The following SUPV3L1 variants were observed in gnomAD, a reference collection of about 807,000 sequenced individuals.
The protein encoded by SUPV3L1 is ATP-dependent RNA helicase SUPV3L1, mitochondrial.
A neutral mutation model predicts 70.0 loss-of-function variants in SUPV3L1; 35 were observed. The observed-to-expected ratio is 0.50, with a 90% CI of 0.38 to 0.66. SUPV3L1 has a LOEUF of 0.66. Ranked by LOEUF, SUPV3L1 falls within the 30% of genes least tolerant of loss-of-function variation. The probability of loss-of-function intolerance (pLI) is 0.00; values close to 1 mark genes in which losing one functional copy is unlikely to be tolerated. For missense variants in SUPV3L1, 777 were observed against 961.5 expected, an observed-to-expected ratio of 0.81 and a Z score of 2.54; for synonymous variants, 364 against 341.9, an observed-to-expected ratio of 1.06 and a Z score of -0.71.
In SUPV3L1 at chr10:69,209,058, T is replaced by A. The variant is rs776979384; in HGVS notation, c.*23T>A. ...TAGTTTTCTGTTCCTGTTTTTTTTT[T>A]TTTATTTAATTTTGCAAATAAAAAT... On this transcript the variant is annotated 3_prime_UTR_variant, in exon 15 of 15. Transcript: ENST00000359655. 5.9e-6 allele frequency: 9 copies of A among 1,516,700 alleles called. No homozygotes were observed. The East Asian group carries it at 9.2e-5, about 15-fold the overall frequency. 94.0% of individuals were successfully genotyped at this position (1,516,700 alleles called of 1,614,324 possible). A position where few individuals can be genotyped will look rare whatever the true frequency, so the allele number is the denominator to read the frequency against.
chr10:69,187,562 G>T, intron 3 of SUPV3L1, 80 bp from the exon 4 acceptor site: 1 of 1,054,170 alleles, frequency 9.5e-7, no homozygotes, highest in Non-Finnish European at 1.4e-6. Flanking sequence ...AACTTAGCTT[G>T]TTAAGAAAAA....
Position 69,189,289 on chromosome 10 carries a change from C to T in SUPV3L1, c.595C>T (p.Gln199Ter). The T allele has an allele frequency of 6.2e-7, 1 of 1,613,720 alleles. No homozygotes were observed. The highest frequency in any genetic ancestry group is 8.5e-7 in the Non-Finnish European group (1 of 1,179,836). The change falls in exon 5 of 15, where the codon CAG becomes TAG. Residue 199 changes from glutamine (Q) to a stop codon, truncating the protein, a stop_gained. Coordinates refer to ENST00000359655, the MANE Select transcript of SUPV3L1 (RefSeq NM_003171.5). LOFTEE classifies it high-confidence loss of function. ...TAGGTACCCAGATGCTAGAGCCATG[C>T]AGCGGAAGATAATATTTCATTCAGG... ...PNWYPDARAM[Q>*]RKIIFHSGPT...
chr10:69,182,442 T>G, intron 1 of SUPV3L1: 1 of 829,314 alleles, frequency 1.2e-6, no homozygotes, highest in South Asian at 5.5e-5. Context: ...TTTTATATTA[T>G]TTGAAGGCAT....
intron 12 of SUPV3L1, 86 bp from the exon 13 acceptor site, chr10:69,202,781 T>A: frequency 7.3e-7 from 1 of 1,363,636 alleles, no homozygotes; most frequent in African/African-American, 1.5e-5. Context: ...TTAAAGAGAT[T>A]GTCTTTTATA....
intron 6 of SUPV3L1, chr10:69,192,394 T>A (rs1304503940): frequency 6.6e-6 from 1 of 152,266 alleles, no homozygotes; most frequent in African/African-American, 2.4e-5. Context: ...TTTTCCTGTC[T>A]CTTTTCAGGA....
chr10:69,189,744 T>A (rs1250015715), intron 5 of SUPV3L1, among the ~76,000 whole-genome samples: 1 of 150,428 alleles, frequency 6.6e-6, no homozygotes, highest in Non-Finnish European at 1.5e-5. Context: ...CCTCTCGGGT[T>A]CATGCCATTC....
In SUPV3L1 at chr10:69,180,494, CTG is replaced by C. The variant is rs766519606; in HGVS notation, c.206_207del (p.Val69GlufsTer23). 6.2e-7 allele frequency: 1 copy of C among 1,614,264 alleles called. No homozygotes were observed. The highest frequency in any genetic ancestry group is 1.1e-5 in the South Asian group (1 of 91,090). On this transcript the variant is annotated frameshift_variant, in exon 1 of 15. Coordinates refer to ENST00000359655, the MANE Select transcript of SUPV3L1 (RefSeq NM_003171.5). LOFTEE classifies it high-confidence loss of function. Reference sequence around the variant, plus strand: ...AACACGTCCTTGTTCGTGCCCCTGACTGTGAAACCTCAGGGCCCCAGCGCCGA... The same window carrying C: ...AACACGTCCTTGTTCGTGCCCCTGACTGAAACCTCAGGGCCCCAGCGCCGA...
At chr10:69,205,067 A>G (rs1437001674) in intron 13 of SUPV3L1, among the ~76,000 whole-genome samples, 2 of 152,126 alleles carry the variant, frequency 1.3e-5, no homozygotes, top group Non-Finnish European at 2.9e-5. Flanking sequence ...CATTGTGCCC[A>G]GCCCTATCAA....
At chr10:69,191,851 G>A (rs375383674) in intron 6 of SUPV3L1, 85 bp downstream of exon 6, 1 of 1,011,238 alleles carries the variant, frequency 9.9e-7, no homozygotes. Flanking sequence ...CTGTTGTCCA[G>A]GCTGGAATGC....
chr10:69,183,125 A>C (rs929436584), intron 1 of SUPV3L1, among the ~76,000 whole-genome samples: 1 of 152,214 alleles, frequency 6.6e-6, no homozygotes, highest in Non-Finnish European at 1.5e-5. Flanking sequence ...GCAGGTGCTC[A>C]GGTCAAAACC....
intron 1 of SUPV3L1, 100 bp downstream of exon 1, chr10:69,180,662 C>T (rs1445276705): frequency 1.8e-5 from 27 of 1,492,966 alleles, no homozygotes; most frequent in Non-Finnish European, 2.3e-5. Context: ...ATCCGAGGTC[C>T]CATCGAGTGT....
At position 69,197,034 on chromosome 10, in the gene SUPV3L1, C is replaced by T. The variant is rs778381833; in HGVS notation, c.974C>T (p.Ala325Val). The T allele has an allele frequency of 1.2e-6, 2 of 1,614,112 alleles. No individual in the cohort carries two copies. The highest frequency in any genetic ancestry group is 1.7e-6 in the Non-Finnish European group (2 of 1,180,000). The change falls in exon 8 of 15, where the codon GCT becomes GTT. Residue 325 changes from alanine (A) to valine (V), a missense_variant. Transcript: ENST00000359655. ...GTTCATTTGTGTGGAGAACCTGCTG[C>T]TATTGACCTGGTGATGGAGCTTATG... ...EEVHLCGEPA[A>V]IDLVMELMYT...
At chr10:69,207,090 G>T (rs545604504) in intron 13 of SUPV3L1, among the ~76,000 whole-genome samples, 10 of 152,316 alleles carry the variant, frequency 6.6e-5, no homozygotes, top group African/African-American at 2.2e-4. Flanking sequence ...TTACATATGA[G>T]ATAGAAATAG....
chr10:69,194,802 G>A (rs1276261081), intron 6 of SUPV3L1, among the ~76,000 whole-genome samples: 6 of 151,660 alleles, frequency 4.0e-5, no homozygotes, highest in Admixed American at 1.3e-4. Context: ...GGAGTTCAAG[G>A]CCATCCTGAA....
intron 13 of SUPV3L1, 64 bp downstream of exon 13, chr10:69,203,107 C>T (rs1281283020): frequency 6.8e-7 from 1 of 1,470,760 alleles, no homozygotes; most frequent in African/African-American, 1.4e-5. Flanking sequence ...CCAAACAGTA[C>T]TTTGTTATTC....
At chr10:69,188,349 C>T (rs771518576) in intron 4 of SUPV3L1, among the ~76,000 whole-genome samples, 3 of 152,170 alleles carry the variant, frequency 2.0e-5, no homozygotes, top group Non-Finnish European at 4.4e-5. Context: ...CTGTCATATT[C>T]TGCTTGGGTT....
intron 1 of SUPV3L1, among the ~76,000 whole-genome samples, chr10:69,184,237 A>G (rs1842149400): frequency 6.6e-6 from 1 of 152,074 alleles, no homozygotes; most frequent in South Asian, 2.1e-4. Flanking sequence ...CTTGATACCA[A>G]GAAACTGTTG....
chr10:69,189,228 AGGTTAATGGATTAAGC>A (rs1392394459), intron 4 of SUPV3L1, 23 bp from the exon 5 acceptor site: 1 of 1,563,826 alleles, frequency 6.4e-7, no homozygotes, highest in East Asian at 2.3e-5. Flanking sequence ...ATGGATTTTG[AGGTTAATGGATTAAGC>A]TGTTTACCTA....
chr10:69,208,968 A>T lies in SUPV3L1; in HGVS notation c.2294A>T (p.Glu765Val). Residue 765 changes from glutamate to valine, a missense_variant, in exon 15 of 15, where the codon GAA (glutamate) becomes GTA (valine). Glu to Val is a moderately radical substitution (Grantham distance 121). Transcript: ENST00000359655. ...ACACAACAAACTGAACACAACAAAG[A>T]AAAAACAGAGTCTGGGACTCATCCA... ...WMTQQTEHNKEKTESGTHPKG... is the reference protein window; with the variant it reads ...WMTQQTEHNKVKTESGTHPKG... 3.7e-6 allele frequency: 6 copies of T among 1,614,160 alleles called. No homozygotes were observed. In the South Asian group the frequency reaches 5.5e-5, roughly 15 times the overall value.
Sources: allele counts gnomAD v4.1 joint callset (sites outside exome capture counted in the v4.1 genomes callset), GRCh38; gene constraint gnomAD v4.1.1; transcripts MANE v1.5; gene names NCBI Gene and HGNC (gene_info 2026-07-23, HGNC 2026-07-21).